COL6A2: variants seen among roughly 807,000 people sequenced by gnomAD.
The protein encoded by COL6A2 is collagen alpha-2(VI) chain.
COL6A2 carries 90 observed loss-of-function variants against 124.9 expected under a neutral mutation model. The ratio of observed to expected loss-of-function variants is 0.72; its 90% CI spans 0.61 to 0.86. COL6A2 has a LOEUF of 0.86. Among genes scored for constraint, COL6A2 ranks in the 40% least tolerant of loss-of-function variants. The probability of loss-of-function intolerance (pLI) is 0.00; values close to 1 mark genes in which losing one functional copy is unlikely to be tolerated. For missense variants in COL6A2, 1,607 were observed against 1,502.5 expected, an observed-to-expected ratio of 1.07 and a Z score of -1.15; for synonymous variants, 793 against 618.2, an observed-to-expected ratio of 1.28 and a Z score of -4.19.
rs376085279 is a variant in COL6A2 at position 46,124,844 on chromosome 21, G to C, written c.1735-41G>C. On this transcript the variant is annotated intron_variant, in intron 22 of 27. Transcript: ENST00000300527. ...GGCCTGGGAGAGACTCAGCCACCCA[G>C]CCTTGGCCCCAGAGTCTCAGCCTCA... The C allele has an allele frequency of 3.7e-6, 6 of 1,612,350 alleles. No individual in the cohort carries two copies. The African/African-American group carries it at 5.3e-5, about 14-fold the overall frequency.
intron 11 of COL6A2, chr21:46,117,664 G>A: frequency 2.7e-6 from 2 of 742,156 alleles, no homozygotes; most frequent in East Asian, 2.7e-5. Flanking sequence ...GTGGCCTGGA[G>A]ACCTGATGCA....
intron 23 of COL6A2, 70 bp downstream of exon 23, chr21:46,124,990 G>A (rs1158012203): frequency 2.5e-6 from 4 of 1,577,884 alleles, no homozygotes; most frequent in African/African-American, 2.7e-5. Flanking sequence ...CAGCAGGGGT[G>A]GGGGAAGGTC....
rs772404861 is a variant in COL6A2 at position 46,112,122 on chromosome 21, C to A, written c.259C>A (p.Leu87Met). 1 of 1,613,208 alleles carries A rather than the reference C, an allele frequency of 6.2e-7. No homozygotes were observed. The highest frequency in any genetic ancestry group is 1.1e-5 in the South Asian group (1 of 91,088). Residue 87 changes from leucine to methionine, a missense_variant, in exon 3 of 28, where the codon CTG (leucine) becomes ATG (methionine). Leu to Met is a conservative substitution (Grantham distance 15). Coordinates refer to ENST00000300527, the MANE Select transcript of COL6A2 (RefSeq NM_001849.4). ...CAGCCAGCTGCAGAACGAGTTCTAC[C>A]TGGACCAGGTGGCGCTGAGCTGGCG... is the stretch of plus-strand genomic sequence containing the variant. ...FISQLQNEFY[L>M]DQVALSWRYG...
chr21:46,121,150 C>T, intron 17 of COL6A2, 27 bp downstream of exon 17: 2 of 1,609,476 alleles, frequency 1.2e-6, no homozygotes, highest in Non-Finnish European at 1.7e-6. Context: ...GAGGCCGGTG[C>T]CCTCTGACCC....
At chr21:46,111,925 C>T in intron 2 of COL6A2, 54 bp from the exon 3 acceptor site, 1 of 1,560,144 alleles carries the variant, frequency 6.4e-7, no homozygotes. Flanking sequence ...GGAAACGGGG[C>T]TCCAACAGCA....
chr21:46,099,889 C>CTTGTTTTTTTTTT (rs2078269378), intron 1 of COL6A2, among the ~76,000 whole-genome samples: 1 of 91,836 alleles, frequency 1.1e-5, no homozygotes, highest in Non-Finnish European at 2.1e-5. Context: ...GCAGCACTGT[C>CTTGTTTTTTTTTT]TTTTTTTTTT....
At chr21:46,099,889 C>CTTTTTGT (rs2078269456) in intron 1 of COL6A2, among the ~76,000 whole-genome samples, 1 of 91,840 alleles carries the variant, frequency 1.1e-5, no homozygotes. Context: ...GCAGCACTGT[C>CTTTTTGT]TTTTTTTTTT....
At position 46,132,653 on chromosome 21, in the gene COL6A2, A is replaced by T; in HGVS notation, c.*101A>T. 8.2e-7 allele frequency: 1 copy of T among 1,225,350 alleles called. No homozygotes were observed. The highest frequency in any genetic ancestry group is 1.2e-6 in the Non-Finnish European group (1 of 866,410). The allele number at this position is 1,225,350 out of a possible 1,614,324, so 75.9% of individuals were successfully genotyped here. A position where few individuals can be genotyped will look rare whatever the true frequency, so the allele number is the denominator to read the frequency against. ...ACGGCCAGCACCGCTGCTCACTCGG[A>T]CGACGCCCTGGGCCTGCACCTCTCC... On this transcript the variant is annotated 3_prime_UTR_variant, in exon 28 of 28. Transcript: ENST00000300527.
In COL6A2 at chr21:46,112,400, G is replaced by A. The variant is rs762450920; in HGVS notation, c.537G>A (p.Arg179=). ...PCGGIKLQAE[R]AREEGIRLFA... ...GGGGCATCAAGCTGCAGGCCGAGCG[G>A]GCCCGCGAGGAGGGCATCCGGCTCT... is the stretch of plus-strand genomic sequence containing the variant. The change falls in exon 3 of 28, where the codon CGG becomes CGA. Residue 179 remains arginine (R), a synonymous_variant. Transcript: ENST00000300527. The A allele has an allele frequency of 5.6e-6, 9 of 1,607,740 alleles. No individual in the cohort carries two copies. The East Asian group carries it at 1.3e-4, about 24-fold the overall frequency.
At chr21:46,124,411 G>A (rs1601245523) in intron 21 of COL6A2, among the ~76,000 whole-genome samples, 1 of 152,164 alleles carries the variant, frequency 6.6e-6, no homozygotes, top group East Asian at 1.9e-4. Flanking sequence ...GGGACACCCA[G>A]CTCTGCCAGG....
rs762516507 is a variant in COL6A2 at position 46,132,529 on chromosome 21, C to T, written c.3037C>T (p.Arg1013Cys). 3.2e-5 allele frequency: 52 copies of T among 1,605,022 alleles called. No homozygotes were observed. Among genetic ancestry groups the T allele is most frequent in the African/African-American group, 1.6e-4 (12 of 74,890 alleles). The change falls in exon 28 of 28, where the codon CGC becomes TGC. Residue 1013 changes from arginine to cysteine, a missense_variant. By Grantham distance (180) the Arg-to-Cys change is radical. This residue lies in a region of COL6A2 where 1,223 missense variants were observed against 1,052.2 expected (regional missense o/e 1.16). Coordinates refer to ENST00000300527, the MANE Select transcript of COL6A2 (RefSeq NM_001849.4). ...DSLAQPGFFD[R>C]FIRWIC is the part of the protein sequence containing the mutation. Reference sequence around the variant, plus strand: ...CCTGGCGCAACCCGGCTTCTTCGACCGCTTCATCCGCTGGATCTGCTAGCG... The same window carrying T: ...CCTGGCGCAACCCGGCTTCTTCGACTGCTTCATCCGCTGGATCTGCTAGCG...
intron 21 of COL6A2, 123 bp from the exon 22 acceptor site, chr21:46,124,528 C>A: frequency 1.2e-6 from 1 of 800,936 alleles, no homozygotes; most frequent in Non-Finnish European, 2.0e-6. Context: ...TTACTCCTTG[C>A]ACCTGTTAGC....
In COL6A2 at chr21:46,132,095, G is replaced by A. The variant is rs865872231; in HGVS notation, c.2603G>A (p.Arg868Lys). ...QVARRLTLARRDDDPLNARVA... is the reference protein window; with the variant it reads ...QVARRLTLARKDDDPLNARVA... The stretch of plus-strand genomic sequence containing the variant: ...GCGCGGCGGCTGACGCTGGCCCGGA[G>A]GGACGACGACCCTCTCAACGCACGC... The change falls in exon 28 of 28, where the codon AGG becomes AAG. Residue 868 changes from arginine (R) to lysine (K), a missense_variant. Arg to Lys is a conservative substitution (Grantham distance 26). Coordinates refer to ENST00000300527, the MANE Select transcript of COL6A2 (RefSeq NM_001849.4). The A allele has an allele frequency of 1.3e-6, 2 of 1,596,080 alleles. No individual in the cohort carries two copies. The highest frequency in any genetic ancestry group is 1.7e-5 in the Admixed American group (1 of 58,152).
At chr21:46,102,663 T>G (rs2078299605) in intron 1 of COL6A2, among the ~76,000 whole-genome samples, 1 of 152,140 alleles carries the variant, frequency 6.6e-6, no homozygotes, top group Non-Finnish European at 1.5e-5. Flanking sequence ...ATGTGTGAGT[T>G]TTTTTTCCTC....
chr21:46,109,996 C>T (rs149412707), intron 1 of COL6A2, among the ~76,000 whole-genome samples: 164 of 152,346 alleles, frequency 1.1e-3, no homozygotes, highest in African/African-American at 3.7e-3. Flanking sequence ...CCTCGCCAAA[C>T]TGCAAGGGGC....
chr21:46,106,748 A>G (rs1285097942), intron 1 of COL6A2, among the ~76,000 whole-genome samples: 5 of 152,188 alleles, frequency 3.3e-5, no homozygotes, highest in Non-Finnish European at 5.9e-5. Context: ...TGTTATGCCC[A>G]TGGTTGTGTG....
At chr21:46,121,681 C>G (rs1282810501) in intron 18 of COL6A2, 63 bp downstream of exon 18, 1 of 1,546,636 alleles carries the variant, frequency 6.5e-7, no homozygotes, top group Non-Finnish European at 8.9e-7. Flanking sequence ...AGGAGCAGGA[C>G]AGGGGGCCGG....
Position 46,132,845 on chromosome 21 carries a change from C to G in COL6A2, c.*293C>G, listed in dbSNP as rs1027984079. On this transcript the variant is annotated 3_prime_UTR_variant, in exon 28 of 28. Coordinates refer to ENST00000300527, the MANE Select transcript of COL6A2 (RefSeq NM_001849.4). ...GCCCTGACCCAATAAAGGCTTTGAACCCATTGCGTGCCTGCTTGCGAGCTT... is the reference window on the plus strand; with the variant it reads ...GCCCTGACCCAATAAAGGCTTTGAAGCCATTGCGTGCCTGCTTGCGAGCTT... The G allele has an allele frequency of 5.9e-6, 3 of 507,120 alleles. No homozygotes were observed. Among genetic ancestry groups the G allele is most frequent in the Non-Finnish European group, 7.2e-6 (2 of 278,450 alleles). 31.4% of individuals were successfully genotyped at this position (507,120 alleles called of 1,614,324 possible).
chr21:46,115,843 C>A (rs1205417219), intron 5 of COL6A2, 29 bp from the exon 6 acceptor site: 2 of 1,611,388 alleles, frequency 1.2e-6, no homozygotes, highest in Non-Finnish European at 8.5e-7. Flanking sequence ...CCCTACCCTG[C>A]CTCGATGTAC....
Sources: allele counts gnomAD v4.1 joint callset (sites outside exome capture counted in the v4.1 genomes callset), GRCh38; gene constraint gnomAD v4.1.1; regional missense constraint gnomAD v4.1.1; transcripts MANE v1.5; gene names NCBI Gene and HGNC (gene_info 2026-07-23, HGNC 2026-07-21).